H2BN1: variants seen among roughly 807,000 people sequenced by gnomAD.
The protein encoded by H2BN1 is H2B.N variant histone 1, also known as histone H2B.N.
chr17:32,904,277 A>G, the H2BN1 span, among the ~76,000 whole-genome samples: 1 of 152,232 alleles, frequency 6.6e-6, no homozygotes, highest in Non-Finnish European at 1.5e-5. Flanking sequence ...GTAAATGTAC[A>G]CAGACAAGCC....
chr17:32,902,532 A>G, the H2BN1 span, among the ~76,000 whole-genome samples: 2 of 152,216 alleles, frequency 1.3e-5, no homozygotes, highest in African/African-American at 2.4e-5. Context: ...AATGAATATC[A>G]ATATCTTATT....
the H2BN1 span, among the ~76,000 whole-genome samples, chr17:32,896,803 C>T: frequency 5.3e-5 from 8 of 152,142 alleles, 1 homozygote; most frequent in Non-Finnish European, 1.0e-4. Flanking sequence ...CCAGTTGCTC[C>T]CTCCCTCCCA....
the H2BN1 span, among the ~76,000 whole-genome samples, chr17:32,898,372 G>A: frequency 0.014 from 2,085 of 152,292 alleles, 44 homozygotes; most frequent in African/African-American, 0.046. Flanking sequence ...TAGGTAGATA[G>A]GAGACAAATG....
At chr17:32,906,025 TTTA>T in the H2BN1 span, among the ~76,000 whole-genome samples, 1 of 152,106 alleles carries the variant, frequency 6.6e-6, no homozygotes, top group African/African-American at 2.4e-5. Flanking sequence ...CTTTAGGTGG[TTTA>T]TTATTATTTT....
the H2BN1 span, among the ~76,000 whole-genome samples, chr17:32,898,036 A>C: frequency 1.3e-5 from 2 of 152,178 alleles, no homozygotes; most frequent in African/African-American, 4.8e-5. Flanking sequence ...TATCTTTCTC[A>C]CCAGCTCCAA....
At chr17:32,903,854 C>CT in the H2BN1 span, among the ~76,000 whole-genome samples, 17 of 152,252 alleles carry the variant, frequency 1.1e-4, no homozygotes, top group Admixed American at 9.2e-4. Context: ...TTATGTCTCA[C>CT]TTTTTTTCTG....
chr17:32,896,675 AG>A, the H2BN1 span, among the ~76,000 whole-genome samples: 11 of 152,328 alleles, frequency 7.2e-5, no homozygotes, highest in Non-Finnish European at 1.2e-4. Context: ...GAGGATATAT[AG>A]AACAGAGCTT....
the H2BN1 span, among the ~76,000 whole-genome samples, chr17:32,899,218 A>C: frequency 1.3e-5 from 2 of 152,134 alleles, no homozygotes; most frequent in Non-Finnish European, 2.9e-5. Flanking sequence ...TAGCAAGAAA[A>C]ATTTTTTAAC....
At chr17:32,904,350 C>A in the H2BN1 span, among the ~76,000 whole-genome samples, 7 of 152,182 alleles carry the variant, frequency 4.6e-5, no homozygotes, top group South Asian at 2.1e-4. Flanking sequence ...CATCTCCGAA[C>A]TAGAATTAGG....
chr17:32,903,974 C>T, the H2BN1 span, among the ~76,000 whole-genome samples: 12 of 152,324 alleles, frequency 7.9e-5, no homozygotes, highest in South Asian at 2.1e-3. Flanking sequence ...CACCCTCTTA[C>T]GTGTCTCAGT....
chr17:32,895,477 G>T, the H2BN1 span, among the ~76,000 whole-genome samples: 1 of 152,102 alleles, frequency 6.6e-6, no homozygotes, highest in Non-Finnish European at 1.5e-5. Flanking sequence ...CTAAGAACAA[G>T]ACTGAGCTTT....
the H2BN1 span, among the ~76,000 whole-genome samples, chr17:32,900,222 A>G: frequency 6.6e-6 from 1 of 152,250 alleles, no homozygotes; most frequent in Non-Finnish European, 1.5e-5. Context: ...TTATATAAAT[A>G]CAGCCCAGAT....
At chr17:32,896,844 C>G in the H2BN1 span, among the ~76,000 whole-genome samples, 1 of 152,162 alleles carries the variant, frequency 6.6e-6, no homozygotes, top group Non-Finnish European at 1.5e-5. Context: ...TCAGGCATTG[C>G]TGAATGTCCT....
chr17:32,905,760 A>AG, the H2BN1 span: 1 of 152,134 alleles, frequency 6.6e-6, no homozygotes, highest in African/African-American at 2.4e-5. Context: ...CAAAGCGCGG[A>AG]GGGGGCTTCC....
chr17:32,905,404 A>G, the H2BN1 span, among the ~76,000 whole-genome samples: 320 of 152,284 alleles, frequency 2.1e-3, 1 homozygote, highest in Non-Finnish European at 3.7e-3. Flanking sequence ...AAGCACCGAC[A>G]AGAGATTTGT....
chr17:32,905,939 T>C, the H2BN1 span, among the ~76,000 whole-genome samples: 9 of 152,242 alleles, frequency 5.9e-5, no homozygotes, highest in Non-Finnish European at 8.8e-5. Context: ...TCCTTTAGTT[T>C]AGTATTTTGG....
At chr17:32,896,612 G>A in the H2BN1 span, among the ~76,000 whole-genome samples, 4 of 152,162 alleles carry the variant, frequency 2.6e-5, no homozygotes, top group Admixed American at 1.3e-4. Flanking sequence ...AAACAAAGGG[G>A]AAAATGAGAT....
the H2BN1 span, among the ~76,000 whole-genome samples, chr17:32,898,561 C>T: frequency 1.3e-5 from 2 of 152,162 alleles, no homozygotes; most frequent in Non-Finnish European, 2.9e-5. Flanking sequence ...TTCACATCCC[C>T]CCTTTTCTTT....
the H2BN1 span, among the ~76,000 whole-genome samples, chr17:32,899,423 A>G: frequency 6.6e-6 from 1 of 152,180 alleles, no homozygotes; most frequent in Non-Finnish European, 1.5e-5. Context: ...TTTACTTATC[A>G]TAAGTCAGCC....
Sources: allele counts gnomAD v4.1 joint callset (sites outside exome capture counted in the v4.1 genomes callset), GRCh38; gene constraint gnomAD v4.1.1; transcripts MANE v1.5; gene names NCBI Gene and HGNC (gene_info 2026-07-23, HGNC 2026-07-21).